Variants in INTS6 observed in about 807,000 individuals in gnomAD.
INTS6 encodes integrator complex subunit 6, also known as DEAD box protein.
INTS6 carries 16 observed loss-of-function variants against 104.9 expected under a neutral mutation model. The ratio of observed to expected loss-of-function variants is 0.15; its 90% CI spans 0.10 to 0.23. The LOEUF (loss-of-function observed/expected upper bound fraction) is 0.23, where lower values mean the gene tolerates loss of function less well. INTS6 is among the 10% of genes least tolerant of loss of function. INTS6 has a pLI of 1.00. For missense variants in INTS6, 584 were observed against 1,062.8 expected, an observed-to-expected ratio of 0.55 and a Z score of 6.26; for synonymous variants, 324 against 358.7, an observed-to-expected ratio of 0.90 and a Z score of 1.09.
At chr13:51,395,163 A>T in intron 5 of INTS6, 137 bp downstream of exon 5, 1 of 773,038 alleles carries the variant, frequency 1.3e-6, no homozygotes, top group East Asian at 2.7e-5. Flanking sequence ...TAAATGTACT[A>T]TTAAAAGCAT....
chr13:51,445,603 G>T (rs1952898770), intron 3 of INTS6: 1 of 152,208 alleles, frequency 6.6e-6, no homozygotes, highest in African/African-American at 2.4e-5. Flanking sequence ...GGAATAAGAA[G>T]TAGCAGAGGC....
intron 4 of INTS6, among the ~76,000 whole-genome samples, chr13:51,419,355 C>T (rs1016048389): frequency 1.3e-5 from 2 of 152,152 alleles, no homozygotes; most frequent in Non-Finnish European, 1.5e-5. Flanking sequence ...AAGACAAAGT[C>T]GAAACTCCTT....
Position 51,364,205 on chromosome 13 carries a change from C to T in INTS6, c.*1547G>A, listed in dbSNP as rs1341756107. 8.9e-7 allele frequency: 1 copy of T among 1,120,118 alleles called. No homozygotes were observed. The highest frequency in any genetic ancestry group is 1.3e-6 in the Non-Finnish European group (1 of 792,128). 69.4% of individuals were successfully genotyped at this position (1,120,118 alleles called of 1,614,324 possible). A position where few individuals can be genotyped will look rare whatever the true frequency, so the allele number is the denominator to read the frequency against. ...GCTTAAAGAACTGCATATGAAAATA[C>T]TATATAATATTAAATTCTTCTTTTT... is the stretch of plus-strand genomic sequence containing the variant. On this transcript the variant is annotated 3_prime_UTR_variant, in exon 18 of 18. Coordinates refer to ENST00000311234, the MANE Select transcript of INTS6 (RefSeq NM_012141.3).
chr13:51,375,805 A>G (rs1955917583), intron 13 of INTS6, among the ~76,000 whole-genome samples: 1 of 152,176 alleles, frequency 6.6e-6, no homozygotes. Flanking sequence ...GAAAAGCTAT[A>G]AAAGGAAACT....
rs1956004583 is a variant in INTS6 at position 51,379,520 on chromosome 13, C to T, written c.1328G>A (p.Ser443Asn). 1 of 1,605,354 alleles carries T rather than the reference C, an allele frequency of 6.2e-7. No homozygotes were observed. The highest frequency in any genetic ancestry group is 1.3e-5 in the African/African-American group (1 of 74,442). Residue 443 changes from serine (S) to asparagine (N), a missense_variant, in exon 11 of 18, where the codon AGT becomes AAT. Ser to Asn is a conservative substitution (Grantham distance 46). Around this residue, in one of 5 missense-constraint regions of INTS6, gnomAD observed 144 missense variants for 348.7 expected, o/e 0.41. Coordinates refer to ENST00000311234, the MANE Select transcript of INTS6 (RefSeq NM_012141.3). ...MMGAPNLIADSMEYGLSYSVI... is the reference protein window; with the variant it reads ...MMGAPNLIADNMEYGLSYSVI... ...ACTGTAACTAAGTCCATATTCCATA[C>T]TGTCTGCTATTAGGTTAGGTGCTCC...
chr13:51,412,034 A>G (rs1420805397), intron 4 of INTS6, among the ~76,000 whole-genome samples: 1 of 152,234 alleles, frequency 6.6e-6, no homozygotes, highest in Admixed American at 6.5e-5. Flanking sequence ...GCATTATGCT[A>G]AAGAAGCCAG....
intron 3 of INTS6, among the ~76,000 whole-genome samples, chr13:51,433,115 G>T (rs1045525008): frequency 6.6e-6 from 1 of 152,184 alleles, no homozygotes; most frequent in African/African-American, 2.4e-5. Context: ...AATATTTGTA[G>T]TAGGGTCTTC....
intron 10 of INTS6, among the ~76,000 whole-genome samples, chr13:51,380,545 C>T (rs1956026468): frequency 6.6e-6 from 1 of 152,072 alleles, no homozygotes; most frequent in Admixed American, 6.6e-5. Context: ...CTTCTACTTG[C>T]CAGGCACTGT....
rs1039084778 is a variant in INTS6, at chr13:51,428,436, T to G, written c.429+1858A>C. Among the ~76,000 whole-genome samples, 11 of 151,794 alleles carry G rather than the reference T, an allele frequency of 7.2e-5. No individual in the cohort carries two copies. The East Asian group carries it at 1.9e-3, about 27-fold the overall frequency. On this transcript the variant is annotated intron_variant, in intron 4 of 17. Coordinates refer to ENST00000311234, the MANE Select transcript of INTS6 (RefSeq NM_012141.3). ...ACCTCCTGGGTTCAAGTGATTCTCC[T>G]GCCTTAGCCTCCTGAGTAGCTGGGA...
In INTS6 at chr13:51,452,666, T is replaced by A; in HGVS notation, c.-141A>T. The A allele has an allele frequency of 7.0e-7, 1 of 1,430,318 alleles. No individual in the cohort carries two copies. Among genetic ancestry groups the A allele is most frequent in the Non-Finnish European group, 9.2e-7 (1 of 1,091,690 alleles). 88.6% of individuals were successfully genotyped at this position (1,430,318 alleles called of 1,614,324 possible). The stretch of plus-strand genomic sequence containing the variant: ...AGGAAAACACTGTCTGGGTCTTTCC[T>A]CCGGCTGCGGGGAGTTTCTCCCCCG... On this transcript the variant is annotated 5_prime_UTR_variant, in exon 1 of 18. Transcript: ENST00000311234. This position sits in a 1 kb window ranked among gnomAD's most constrained non-coding sequence, Gnocchi z 4.2.
In INTS6 at chr13:51,376,051, C is replaced by T; in HGVS notation, c.1726G>A (p.Glu576Lys). The T allele has an allele frequency of 6.2e-7, 1 of 1,605,974 alleles. No homozygotes were observed. Reference sequence around the variant, plus strand: ...AGTATTGAAACTATGTTCTAACCTTCGTCCTGTCCTTTCAGAAATCTGCGA... The same window carrying T: ...AGTATTGAAACTATGTTCTAACCTTTGTCCTGTCCTTTCAGAAATCTGCGA... ...STRRFLKGQDEDQVHSVPIAQ... is the reference protein window; with the variant it reads ...STRRFLKGQDKDQVHSVPIAQ... The change falls in exon 13 of 18, where the codon GAA (glutamate) becomes AAA (lysine). Residue 576 changes from glutamate to lysine, a missense_variant. This residue lies in a region of INTS6 where 296 missense variants were observed against 437.0 expected (regional missense o/e 0.68). Coordinates refer to ENST00000311234, the MANE Select transcript of INTS6 (RefSeq NM_012141.3).
At chr13:51,433,863 C>T (rs1246423914) in intron 3 of INTS6, among the ~76,000 whole-genome samples, 5 of 152,120 alleles carry the variant, frequency 3.3e-5, no homozygotes, top group East Asian at 3.9e-4. Flanking sequence ...TTACTGCTAT[C>T]GTCTTGATAA....
At chr13:51,343,797 A>G in the INTS6 span, among the ~76,000 whole-genome samples, 1 of 152,328 alleles carries the variant, frequency 6.6e-6, no homozygotes, top group African/African-American at 2.4e-5. Flanking sequence ...TTGACAGCAC[A>G]ACATCCTGGC....
chr13:51,408,067 T>C (rs1048352716), intron 4 of INTS6, among the ~76,000 whole-genome samples: 2 of 150,438 alleles, frequency 1.3e-5, no homozygotes, highest in African/African-American at 2.4e-5. Flanking sequence ...AGTATAACTA[T>C]AGATAATTGT....
chr13:51,434,957 G>A (rs1323399821), intron 3 of INTS6, among the ~76,000 whole-genome samples: 3 of 151,958 alleles, frequency 2.0e-5, no homozygotes, highest in Admixed American at 6.6e-5. Flanking sequence ...TCAAGCCTAC[G>A]CAATTTAATA....
intron 4 of INTS6, among the ~76,000 whole-genome samples, chr13:51,407,377 C>T (rs1956588331): frequency 6.6e-6 from 1 of 152,152 alleles, no homozygotes; most frequent in Non-Finnish European, 1.5e-5. Flanking sequence ...ACATTGTGAA[C>T]AGTAGAGTAA....
the INTS6 span, among the ~76,000 whole-genome samples, chr13:51,338,142 C>CT: frequency 9.9e-5 from 15 of 152,180 alleles, no homozygotes; most frequent in East Asian, 1.9e-3. Flanking sequence ...CACAAACAAC[C>CT]TTTTTTTAAT....
At chr13:51,361,295 G>A (rs1955570587), downstream of INTS6, 1 of 1,609,302 alleles carries the variant, frequency 6.2e-7, no homozygotes, top group South Asian at 1.1e-5. Flanking sequence ...TGGCTTTTAT[G>A]TTTCTGAAGC....
At chr13:51,393,074 ATT>A (rs368682215) in intron 5 of INTS6, among the ~76,000 whole-genome samples, 22 of 139,384 alleles carry the variant, frequency 1.6e-4, no homozygotes, top group African/African-American at 1.3e-4. Flanking sequence ...AAACAACTAA[ATT>A]TTTTTTTTTT....
Sources: gnomAD v4.1 joint callset for allele counts (sites outside exome capture counted in the v4.1 genomes callset) on GRCh38, gnomAD v4.1.1 for gene constraint, gnomAD v4.1.1 regional missense constraint, Gnocchi (gnomAD v3.1) non-coding constraint, MANE v1.5 for transcripts, NCBI Gene and HGNC (gene_info 2026-07-23, HGNC 2026-07-21) for gene names.